Variants in FMNL2 observed in about 807,000 individuals in gnomAD.
FMNL2 encodes formin-like protein 2.
A neutral mutation model predicts 130.2 loss-of-function variants in FMNL2; 51 were observed. That is an observed-to-expected ratio of 0.39 (90% CI 0.31 to 0.49). The LOEUF is 0.49. Ranked by LOEUF, FMNL2 falls within the 20% of genes least tolerant of loss-of-function variation. FMNL2 has a pLI of 0.85. For missense variants in FMNL2, 977 were observed against 1,316.2 expected (o/e 0.74, Z 3.99); for synonymous variants, 465 against 467.1 (o/e 1.00, Z 0.06).
Position 152,485,993 on chromosome 2 carries a change from CT to C in FMNL2, c.118-35948del, listed in dbSNP as rs1289410656. ...AGGATTTTATTGTATAATTGGCAAACTTCTCATCTCCGAGAATAATTGCTTG... is the reference window on the plus strand; with the variant it reads ...AGGATTTTATTGTATAATTGGCAAACTCTCATCTCCGAGAATAATTGCTTG... On this transcript the variant is annotated intron_variant, in intron 1 of 25. Transcript: ENST00000288670. Among the ~76,000 whole-genome samples, 4 of 152,272 alleles carry C rather than the reference CT, an allele frequency of 2.6e-5. No homozygotes were observed. The East Asian group carries it at 7.7e-4, about 29-fold the overall frequency.
chr2:152,361,109 A>C (rs1411057300), intron 1 of FMNL2, among the ~76,000 whole-genome samples: 1 of 152,210 alleles, frequency 6.6e-6, no homozygotes, highest in Non-Finnish European at 1.5e-5. Context: ...TTGGGTCTAT[A>C]GTCTCATTTT....
chr2:152,381,839 C>T (rs898304800), intron 1 of FMNL2, among the ~76,000 whole-genome samples: 5 of 150,076 alleles, frequency 3.3e-5, no homozygotes, highest in Non-Finnish European at 7.4e-5. Context: ...GAGATAGGAT[C>T]TCCTCCAGCC....
chr2:152,420,324 G>C (rs1686842738), intron 1 of FMNL2, among the ~76,000 whole-genome samples: 4 of 152,188 alleles, frequency 2.6e-5, no homozygotes, highest in African/African-American at 9.7e-5. Flanking sequence ...GAGTTAAAAA[G>C]TGTTTTCTGT....
At chr2:152,600,176 A>C (rs1260014010) in intron 9 of FMNL2, among the ~76,000 whole-genome samples, 1 of 152,148 alleles carries the variant, frequency 6.6e-6, no homozygotes, top group Non-Finnish European at 1.5e-5. Context: ...GCAGGCCCCG[A>C]GAAGGGTCGT....
rs371321539 is a variant in FMNL2, at chr2:152,647,874, G to C, written c.3248G>C (p.Arg1083Pro). Residue 1083 changes from arginine to proline, a missense_variant, in exon 26 of 26, where the codon CGT (arginine) becomes CCT (proline). Physicochemically the swap from Arg to Pro is moderately radical, Grantham distance 103. Around this residue, in one of 4 missense-constraint regions of FMNL2, gnomAD observed 168 missense variants for 168.8 expected, o/e 1.00. Coordinates refer to ENST00000288670, the MANE Select transcript of FMNL2 (RefSeq NM_052905.4). ...VRRRFDDQNLRSVNGAEITM is the reference protein window; with the variant it reads ...VRRRFDDQNLPSVNGAEITM ...CGGCGCTTTGATGATCAGAACTTGC[G>C]TTCTGTTAATGGTGCCGAAATAACA... The C allele has an allele frequency of 5.6e-6, 9 of 1,613,852 alleles. No individual in the cohort carries two copies. The South Asian group carries it at 6.6e-5, about 12-fold the overall frequency.
rs148078048 is a variant in FMNL2, at chr2:152,577,465, A to G, written c.706-1423A>G. ...GCAGTGGTCTAGGCTGGAGTTAGAC[A>G]TTTGAGAGTAATTAGCATATAAATG... is the stretch of plus-strand genomic sequence containing the variant. On this transcript the variant is annotated intron_variant, in intron 7 of 25. Transcript: ENST00000288670. 1.6e-4 allele frequency among the ~76,000 whole-genome samples: 24 copies of G among 152,302 alleles called. No individual in the cohort carries two copies. In the East Asian group the frequency reaches 4.4e-3, roughly 28 times the overall value.
At chr2:152,468,217 C>T (rs1224630634) in intron 1 of FMNL2, among the ~76,000 whole-genome samples, 1 of 152,126 alleles carries the variant, frequency 6.6e-6, no homozygotes, top group African/African-American at 2.4e-5. Context: ...ACTAATTCCC[C>T]TGATACATAA....
intron 1 of FMNL2, among the ~76,000 whole-genome samples, chr2:152,348,283 A>G (rs1682243977): frequency 6.6e-6 from 1 of 152,196 alleles, no homozygotes; most frequent in Non-Finnish European, 1.5e-5. Context: ...GTTGCTCATT[A>G]CATTCTTAGC....
Position 152,578,909 on chromosome 2 carries a change from T to C in FMNL2, c.727T>C (p.Ser243Pro). The C allele has an allele frequency of 2.5e-6, 4 of 1,613,382 alleles. No homozygotes were observed. The highest frequency in any genetic ancestry group is 3.4e-6 in the Non-Finnish European group (4 of 1,179,628). The change falls in exon 8 of 26, where the codon TCT becomes CCT. Residue 243 changes from serine to proline, a missense_variant. Transcript: ENST00000288670. Reference sequence around the variant, plus strand: ...TTAGTATGGTTTCAACATGGTCATGTCTCATCCACACGCTGTCAATGAGAT... The same window carrying C: ...TTAGTATGGTTTCAACATGGTCATGCCTCATCCACACGCTGTCAATGAGAT... ...NYQYGFNMVM[S>P]HPHAVNEIAL... is the part of the protein sequence containing the mutation.
chr2:152,453,607 C>T (rs1187758327), intron 1 of FMNL2, among the ~76,000 whole-genome samples: 1 of 152,148 alleles, frequency 6.6e-6, no homozygotes, highest in African/African-American at 2.4e-5. Flanking sequence ...TCAATGCCTG[C>T]TTTTGTTTTT....
intron 15 of FMNL2, among the ~76,000 whole-genome samples, chr2:152,623,161 G>A (rs1476179667): frequency 2.6e-5 from 4 of 152,276 alleles, no homozygotes; most frequent in African/African-American, 7.2e-5. Context: ...TCTAGCGAGC[G>A]TCATGAGCCT....
At chr2:152,622,060 T>C (rs1230132730) in intron 15 of FMNL2, among the ~76,000 whole-genome samples, 2 of 152,092 alleles carry the variant, frequency 1.3e-5, no homozygotes, top group Non-Finnish European at 2.9e-5. Context: ...TAGTGTGAAA[T>C]ATGCATTTGA....
intron 25 of FMNL2, among the ~76,000 whole-genome samples, chr2:152,642,589 G>A (rs1358920851): frequency 6.6e-6 from 1 of 152,184 alleles, no homozygotes; most frequent in African/African-American, 2.4e-5. Flanking sequence ...CCTCCATGCT[G>A]GGGGAGAAAC....
intron 11 of FMNL2, among the ~76,000 whole-genome samples, chr2:152,613,734 A>T (rs1580099264): frequency 6.6e-6 from 1 of 152,204 alleles, no homozygotes; most frequent in Non-Finnish European, 1.5e-5. Context: ...GTTTACAAAA[A>T]CCCAGCCTTG....
chr2:152,544,625 T>A (rs75009289), intron 3 of FMNL2, among the ~76,000 whole-genome samples: 6 of 152,096 alleles, frequency 3.9e-5, no homozygotes, highest in Non-Finnish European at 7.3e-5. Context: ...CTGAGTTGAG[T>A]GTGGCAGAGA....
Position 152,390,240 on chromosome 2 carries a change from G to A in FMNL2, c.117+54520G>A. On this transcript the variant is annotated intron_variant, in intron 1 of 25. Coordinates refer to ENST00000288670, the MANE Select transcript of FMNL2 (RefSeq NM_052905.4). Reference sequence around the variant, plus strand: ...GCTGAAAGGGAAGGACATGGTGGTGGACATCCAGGGGCAGCACCTCCGGGT... The same window carrying A: ...GCTGAAAGGGAAGGACATGGTGGTGAACATCCAGGGGCAGCACCTCCGGGT... 2.1e-6 allele frequency: 3 copies of A among 1,454,114 alleles called. No homozygotes were observed. The Admixed American group carries it at 5.1e-5, about 24-fold the overall frequency. 90.1% of individuals were successfully genotyped at this position (1,454,114 alleles called of 1,614,324 possible).
At chr2:152,640,093 G>C in intron 24 of FMNL2, 37 bp downstream of exon 24, 1 of 1,493,454 alleles carries the variant, frequency 6.7e-7, no homozygotes, top group Middle Eastern at 1.8e-4. Flanking sequence ...GGTCCGTGAG[G>C]AGAGGCTGAG....
At chr2:152,396,170 C>T (rs547237032) in intron 1 of FMNL2, among the ~76,000 whole-genome samples, 2 of 152,276 alleles carry the variant, frequency 1.3e-5, no homozygotes, top group African/African-American at 4.8e-5. Context: ...TAGAACTCAG[C>T]TAAGCATTTG....
intron 17 of FMNL2, 97 bp from the exon 18 acceptor site, chr2:152,628,202 T>C (rs1681925945): frequency 2.0e-6 from 2 of 1,013,276 alleles, no homozygotes; most frequent in Middle Eastern, 2.3e-4. Context: ...CTGTACCAGA[T>C]GGATGATGGA....
Sources: allele counts gnomAD v4.1 joint callset (sites outside exome capture counted in the v4.1 genomes callset), GRCh38; gene constraint gnomAD v4.1.1; regional missense constraint gnomAD v4.1.1; transcripts MANE v1.5; gene names NCBI Gene and HGNC (gene_info 2026-07-23, HGNC 2026-07-21).